The following ZNF211 variants were observed in gnomAD, a reference collection of about 807,000 sequenced individuals.
The protein encoded by ZNF211 is zinc finger protein 211.
ZNF211 carries 18 observed loss-of-function variants against 12.1 expected under a neutral mutation model. The observed-to-expected ratio is 1.48, with a 90% confidence interval of 1.03 to 2.20. The LOEUF (loss-of-function observed/expected upper bound fraction) is 2.20. ZNF211 is among the 30% of genes most tolerant of loss of function. The probability of loss-of-function intolerance (pLI) is 0.00; values close to 1 mark genes in which losing one functional copy is unlikely to be tolerated. For missense variants in ZNF211, 677 were observed against 703.1 expected (o/e 0.96, Z 0.42); for synonymous variants, 249 against 246.0 (o/e 1.01, Z -0.11).
chr19:57,638,636 T>C (rs1327072234), intron 3 of ZNF211, among the ~76,000 whole-genome samples: 1 of 152,240 alleles, frequency 6.6e-6, no homozygotes. Context: ...GCTTAATTTA[T>C]GGTCTGTCCT....
Position 57,633,326 on chromosome 19 carries a change from G to C in ZNF211, c.-21G>C. 2 of 1,555,506 alleles carry C rather than the reference G, an allele frequency of 1.3e-6. No individual in the cohort carries two copies. The highest frequency in any genetic ancestry group is 1.7e-6 in the Non-Finnish European group (2 of 1,154,220). ...GAGGGTCGGGGGCAGAGCCGCCCGC[G>C]AGGCCGGCCTGGGGATAGCGATGCT... On this transcript the variant is annotated 5_prime_UTR_variant, in exon 1 of 4. Transcript: ENST00000240731.
intron 3 of ZNF211, among the ~76,000 whole-genome samples, chr19:57,636,388 C>T (rs1982142493): frequency 6.6e-6 from 1 of 151,988 alleles, no homozygotes; most frequent in African/African-American, 2.4e-5. Flanking sequence ...GATCTTTGAT[C>T]TGTTTTGAAT....
intron 1 of ZNF211, 83 bp downstream of exon 1, chr19:57,633,519 C>G: frequency 6.6e-7 from 1 of 1,507,368 alleles, no homozygotes; most frequent in Admixed American, 2.2e-5. Context: ...CTCTGTAGCA[C>G]AGGGTCGGGG....
Position 57,634,030 on chromosome 19 carries a change from T to C in ZNF211, c.98T>C (p.Ile33Thr). 1 of 1,589,050 alleles carries C rather than the reference T, an allele frequency of 6.3e-7. No individual in the cohort carries two copies. Among genetic ancestry groups the C allele is most frequent in the East Asian group, 2.2e-5 (1 of 44,820 alleles). Residue 33 changes from isoleucine (I) to threonine (T), a missense_variant, in exon 2 of 4, where the codon ATA becomes ACA. Physicochemically the swap from Ile to Thr is moderately conservative, Grantham distance 89. Coordinates refer to ENST00000240731, the MANE Select transcript of ZNF211 (RefSeq NM_006385.5). ...GCCTGCGTCTTTCCACAGGTTCCCA[T>C]AGCTACAGAGGTGCTTTTCAAACTT... ...TALRDPASVP[I>T]ATEVLFKLTQ...
rs754189108 is a variant in ZNF211 at position 57,640,876 on chromosome 19, A to G, written c.429A>G (p.Gly143=). ...RDILHLAEHQ[G]TNCGQKLHTC... The stretch of plus-strand genomic sequence containing the variant: ...TTTTGCACTTGGCTGAACACCAAGG[A>G]ACAAACTGCGGGCAGAAACTACACA... The change falls in exon 4 of 4, where the codon GGA becomes GGG. Residue 143 remains glycine (G), a synonymous_variant. Coordinates refer to ENST00000240731, the MANE Select transcript of ZNF211 (RefSeq NM_006385.5). 18 of 1,614,250 alleles carry G rather than the reference A, an allele frequency of 1.1e-5. No individual in the cohort carries two copies. Among genetic ancestry groups the G allele is most frequent in the Non-Finnish European group, 1.5e-5 (18 of 1,180,036 alleles).
At position 57,641,380 on chromosome 19, in the gene ZNF211, C is replaced by T. The variant is rs368883703; in HGVS notation, c.933C>T (p.Ser311=). 4.4e-5 allele frequency: 71 copies of T among 1,614,020 alleles called. No individual in the cohort carries two copies. The highest frequency in any genetic ancestry group is 5.7e-5 in the Non-Finnish European group (67 of 1,180,010). Residue 311 remains serine (S), a synonymous_variant, in exon 4 of 4, where the codon TCC becomes TCT. Transcript: ENST00000240731. ...GTGGAAAATTCTTTACCTACTACTCCAGTTTCATTATACATCAGAGAGTTC... is the reference window on the plus strand; with the variant it reads ...GTGGAAAATTCTTTACCTACTACTCTAGTTTCATTATACATCAGAGAGTTC... ...NECGKFFTYY[S]SFIIHQRVHT... is the part of the protein sequence containing the mutation.
chr19:57,639,990 T>C, intron 3 of ZNF211: 1 of 1,536,050 alleles, frequency 6.5e-7, no homozygotes, highest in Non-Finnish European at 8.7e-7. Flanking sequence ...AGGATGTTCA[T>C]GACTCCAGCC....
intron 3 of ZNF211, among the ~76,000 whole-genome samples, chr19:57,638,076 C>T (rs11084513): frequency 0.18 from 27,402 of 151,378 alleles, 2,637 homozygotes; most frequent in East Asian, 0.32. Context: ...TTTTTGTATT[C>T]TTAGTAGAGA....
At chr19:57,636,612 T>C (rs1982174013) in intron 3 of ZNF211, among the ~76,000 whole-genome samples, 1 of 152,244 alleles carries the variant, frequency 6.6e-6, no homozygotes, top group African/African-American at 2.4e-5. Flanking sequence ...TTAATTTCTA[T>C]AGCCTTGCAG....
chr19:57,642,107 C>A lies in ZNF211; in HGVS notation c.1660C>A (p.Gln554Lys). The stretch of plus-strand genomic sequence containing the variant: ...GGGAAAAAGGCCTTATCAGTGCAGT[C>A]AATGTGGGAAATCCTTTGGCTGCAA... ...HTGKRPYQCS[Q>K]CGKSFGCKSV... is the part of the protein sequence containing the mutation. The change falls in exon 4 of 4, where the codon CAA (glutamine) becomes AAA (lysine). Residue 554 changes from glutamine (Q) to lysine (K), a missense_variant. By Grantham distance (53) the Gln-to-Lys change is moderately conservative. Transcript: ENST00000240731. 1.9e-6 allele frequency: 3 copies of A among 1,613,850 alleles called. No homozygotes were observed. Among genetic ancestry groups the A allele is most frequent in the Non-Finnish European group, 2.5e-6 (3 of 1,179,888 alleles).
At chr19:57,634,851 A>G in intron 3 of ZNF211, 96 bp downstream of exon 3, 2 of 1,352,334 alleles carry the variant, frequency 1.5e-6, no homozygotes, top group Non-Finnish European at 1.9e-6. Flanking sequence ...GACTATAGGC[A>G]CTGCCTCCTT....
At chr19:57,637,613 CA>C (rs1568639785) in intron 3 of ZNF211, among the ~76,000 whole-genome samples, 1 of 152,154 alleles carries the variant, frequency 6.6e-6, no homozygotes, top group Non-Finnish European at 1.5e-5. Flanking sequence ...GGTCGTAGTG[CA>C]TAATCCTTTT....
In ZNF211 at chr19:57,640,766, G is replaced by A. The variant is rs773871849; in HGVS notation, c.319G>A (p.Val107Met). 6.2e-7 allele frequency: 1 copy of A among 1,614,114 alleles called. No homozygotes were observed. Among genetic ancestry groups the A allele is most frequent in the African/African-American group, 1.3e-5 (1 of 74,940 alleles). The change falls in exon 4 of 4, where the codon GTG (valine) becomes ATG (methionine). Residue 107 changes from valine to methionine, a missense_variant. Physicochemically the swap from Val to Met is conservative, Grantham distance 21. Coordinates refer to ENST00000240731, the MANE Select transcript of ZNF211 (RefSeq NM_006385.5). The stretch of plus-strand genomic sequence containing the variant: ...TGAACAGAGAATTTCTGGAGAAAGA[G>A]TGCCACAGTTCAGGACTTCCAAAGA... ...PSEQRISGER[V>M]PQFRTSKEGS...
rs1981895960 is a variant in ZNF211 at position 57,634,573 on chromosome 19, T to C, written c.130-56T>C. ...GGAGGAGAATGTATGGGGACATGGA[T>C]TTTGAGTCTTCCAAATTGAGACTGT... On this transcript the variant is annotated intron_variant, in intron 2 of 3. Transcript: ENST00000240731. 2.0e-6 allele frequency: 3 copies of C among 1,477,020 alleles called. No homozygotes were observed. In the South Asian group the frequency reaches 4.3e-5, roughly 21 times the overall value. The allele number at this position is 1,477,020 out of a possible 1,614,324, so 91.5% of individuals were successfully genotyped here. A position where few individuals can be genotyped will look rare whatever the true frequency, so the allele number is the denominator to read the frequency against.
rs1180963871 is a variant in ZNF211 at position 57,641,696 on chromosome 19, A to G, written c.1249A>G (p.Lys417Glu). 42 of 1,614,182 alleles carry G rather than the reference A, an allele frequency of 2.6e-5. No individual in the cohort carries two copies. Among genetic ancestry groups the G allele is most frequent in the Non-Finnish European group, 3.6e-5 (42 of 1,180,032 alleles). The change falls in exon 4 of 4, where the codon AAA becomes GAA. Residue 417 changes from lysine to glutamate, a missense_variant. By Grantham distance (56) the Lys-to-Glu change is moderately conservative. Transcript: ENST00000240731. ...ERPHECNECG[K>E]SFSRSSSLIH... Reference sequence around the variant, plus strand: ...ACCTCATGAGTGCAATGAATGTGGAAAATCCTTTAGCCGAAGCTCCAGCCT... The same window carrying G: ...ACCTCATGAGTGCAATGAATGTGGAGAATCCTTTAGCCGAAGCTCCAGCCT...
chr19:57,641,394 A>G lies in ZNF211; in HGVS notation c.947A>G (p.His316Arg), dbSNP rs1226064198. ...ACCTACTACTCCAGTTTCATTATAC[A>G]TCAGAGAGTTCATACTGGAGAAAGG... ...FFTYYSSFII[H>R]QRVHTGERPY... The change falls in exon 4 of 4, where the codon CAT becomes CGT. Residue 316 changes from histidine to arginine, a missense_variant. Transcript: ENST00000240731. The G allele has an allele frequency of 6.2e-7, 1 of 1,611,582 alleles. No homozygotes were observed. The highest frequency in any genetic ancestry group is 8.5e-7 in the Non-Finnish European group (1 of 1,178,170).
In ZNF211 at chr19:57,633,334, C is replaced by A; in HGVS notation, c.-13C>A. 6.4e-7 allele frequency: 1 copy of A among 1,572,742 alleles called. No homozygotes were observed. Among genetic ancestry groups the A allele is most frequent in the Non-Finnish European group, 8.6e-7 (1 of 1,163,024 alleles). ...GGGGCAGAGCCGCCCGCGAGGCCGG[C>A]CTGGGGATAGCGATGCTCGGGTTCC... On this transcript the variant is annotated 5_prime_UTR_variant, in exon 1 of 4. Coordinates refer to ENST00000240731, the MANE Select transcript of ZNF211 (RefSeq NM_006385.5).
intron 3 of ZNF211, among the ~76,000 whole-genome samples, chr19:57,636,750 G>A (rs921376779): frequency 2.0e-5 from 3 of 152,102 alleles, no homozygotes; most frequent in Non-Finnish European, 2.9e-5. Flanking sequence ...GCAAAATAAC[G>A]TCATTTGGAT....
At chr19:57,636,726 AT>A (rs1192643810) in intron 3 of ZNF211, among the ~76,000 whole-genome samples, 2 of 152,078 alleles carry the variant, frequency 1.3e-5, no homozygotes, top group Non-Finnish European at 1.5e-5. Context: ...TTTAGGATGG[AT>A]TTTTTTATTT....
Sources: gnomAD v4.1 joint callset for allele counts (sites outside exome capture counted in the v4.1 genomes callset) on GRCh38, gnomAD v4.1.1 for gene constraint, MANE v1.5 for transcripts, NCBI Gene and HGNC (gene_info 2026-07-23, HGNC 2026-07-21) for gene names.